Variants in DSCAM observed in about 807,000 individuals in gnomAD.
DSCAM encodes DS cell adhesion molecule, also known as cell adhesion molecule DSCAM.
Under a neutral mutation model 217.7 loss-of-function variants are expected in DSCAM, and 47 were observed. The observed-to-expected ratio is 0.22, with a 90% CI of 0.17 to 0.28. The LOEUF (loss-of-function observed/expected upper bound fraction) is 0.28. Ranked by LOEUF, DSCAM falls within the 10% of genes least tolerant of loss-of-function variation. The pLI, the probability that DSCAM is intolerant of heterozygous loss-of-function variation, is 1.00. For missense variants in DSCAM, 2,080 were observed against 2,618.3 expected, an observed-to-expected ratio of 0.79 and a Z score of 4.49; for synonymous variants, 1,056 against 1,015.3, an observed-to-expected ratio of 1.04 and a Z score of -0.76.
intron 3 of DSCAM, among the ~76,000 whole-genome samples, chr21:40,689,610 T>C (rs1227623848): frequency 1.3e-5 from 2 of 152,194 alleles, no homozygotes; most frequent in African/African-American, 2.4e-5. Context: ...CTTTTCTCCA[T>C]GGAAAGAATC....
chr21:40,205,133 G>A (rs1304514758), intron 11 of DSCAM, among the ~76,000 whole-genome samples: 1 of 152,240 alleles, frequency 6.6e-6, no homozygotes, highest in African/African-American at 2.4e-5. Context: ...GGCTCATGAA[G>A]AGACATGTGT....
At chr21:40,507,062 A>G (rs114666481) in intron 3 of DSCAM, among the ~76,000 whole-genome samples, 2,366 of 152,260 alleles carry the variant, frequency 0.016, 47 homozygotes, top group Admixed American at 0.037. Flanking sequence ...GCAGATCGCA[A>G]GGTGAGGAGT....
intron 16 of DSCAM, among the ~76,000 whole-genome samples, chr21:40,150,871 T>C (rs1452238252): frequency 6.6e-6 from 1 of 152,176 alleles, no homozygotes; most frequent in Non-Finnish European, 1.5e-5. Context: ...TGTAGAACAA[T>C]TGATACATGG....
intron 1 of DSCAM, among the ~76,000 whole-genome samples, chr21:40,838,761 A>G (rs1265387023): frequency 6.6e-6 from 1 of 152,218 alleles, no homozygotes; most frequent in Non-Finnish European, 1.5e-5. Flanking sequence ...TGGAGAGACT[A>G]GCGACAAAAT....
rs1362956485 is a variant in DSCAM at position 40,133,877 on chromosome 21, A to G, written c.3539T>C (p.Ile1180Thr). ...ACCATCCTCTTTGGTCCGGGTGAAGATCTGCTCACTCCTGACCCCGTCTCC... is the reference window on the plus strand; with the variant it reads ...ACCATCCTCTTTGGTCCGGGTGAAGGTCTGCTCACTCCTGACCCCGTCTCC... ...RAGDGVRSEQ[I>T]FTRTKEDVPG... Residue 1180 changes from isoleucine (I) to threonine (T), a missense_variant, in exon 19 of 33, where the codon ATC becomes ACC. Physicochemically the swap from Ile to Thr is moderately conservative, Grantham distance 89. This residue lies in a region of DSCAM where 1,144 missense variants were observed against 1,421.1 expected (regional missense o/e 0.81). Coordinates refer to ENST00000400454, the MANE Select transcript of DSCAM (RefSeq NM_001389.5). 1.2e-6 allele frequency: 2 copies of G among 1,610,756 alleles called. No homozygotes were observed. Among genetic ancestry groups the G allele is most frequent in the Non-Finnish European group, 1.7e-6 (2 of 1,178,710 alleles).
At chr21:40,385,949 G>A (rs1408910756) in intron 3 of DSCAM, among the ~76,000 whole-genome samples, 2 of 152,172 alleles carry the variant, frequency 1.3e-5, no homozygotes, top group South Asian at 2.1e-4. Context: ...TTTTGCCTTC[G>A]TGCTTTCAAG....
intron 28 of DSCAM, among the ~76,000 whole-genome samples, chr21:40,057,871 G>GTTTTTT (rs1568917869): frequency 7.8e-5 from 8 of 102,138 alleles, no homozygotes; most frequent in South Asian, 3.2e-4. Flanking sequence ...GTTCACTGCA[G>GTTTTTT]TCTTTTTTTT....
Position 40,042,420 on chromosome 21 carries a change from C to T in DSCAM, c.5637G>A (p.Gln1879=), listed in dbSNP as rs1904389165. 6.2e-7 allele frequency: 1 copy of T among 1,614,076 alleles called. No individual in the cohort carries two copies. Among genetic ancestry groups the T allele is most frequent in the African/African-American group, 1.3e-5 (1 of 74,926 alleles). The change falls in exon 32 of 33, where the codon CAG becomes CAA. Residue 1879 remains glutamine, a synonymous_variant. Coordinates refer to ENST00000400454, the MANE Select transcript of DSCAM (RefSeq NM_001389.5). ...CCATATTCATTACTCTTCCTCCATCCTGAGGTTTGGGGGGAGATGCAGTGA... is the reference window on the plus strand; with the variant it reads ...CCATATTCATTACTCTTCCTCCATCTTGAGGTTTGGGGGGAGATGCAGTGA... The part of the protein sequence containing the change: ...CRFTASPPKP[Q]DGGRVMNMAV...
At chr21:40,127,038 C>T (rs2090101618) in intron 19 of DSCAM, among the ~76,000 whole-genome samples, 1 of 152,170 alleles carries the variant, frequency 6.6e-6, no homozygotes. Context: ...AGTTCCACGT[C>T]CTGGACAAGC....
chr21:40,659,256 C>A (rs2090109742), intron 3 of DSCAM, among the ~76,000 whole-genome samples: 2 of 152,154 alleles, frequency 1.3e-5, no homozygotes, highest in African/African-American at 4.8e-5. Flanking sequence ...TCCCTTCCTC[C>A]TATAGAAGGA....
At chr21:40,017,951 G>A (rs1006157767) in intron 32 of DSCAM, among the ~76,000 whole-genome samples, 3 of 152,216 alleles carry the variant, frequency 2.0e-5, no homozygotes, top group Non-Finnish European at 4.4e-5. Flanking sequence ...AAAATATAAT[G>A]GCATGAGGCC....
intron 3 of DSCAM, among the ~76,000 whole-genome samples, chr21:40,523,434 C>T (rs939282000): frequency 2.0e-5 from 3 of 151,994 alleles, no homozygotes; most frequent in Admixed American, 1.3e-4. Context: ...AGGAATGCAC[C>T]GGCCTAAGAG....
In DSCAM at chr21:40,174,531, CT is replaced by C. The variant is rs112792781; in HGVS notation, c.2947+4395del. On this transcript the variant is annotated intron_variant, in intron 15 of 32. Transcript: ENST00000400454. ...TTGGGCTTTATGGGCCCATGTTATTCTTTTTTTTTTTTTTTAAAGATGAAAA... is the reference window on the plus strand; with the variant it reads ...TTGGGCTTTATGGGCCCATGTTATTCTTTTTTTTTTTTTTAAAGATGAAAA... Among the ~76,000 whole-genome samples, 618 of 142,966 alleles carry C rather than the reference CT, an allele frequency of 4.3e-3. 10 individuals are homozygous for C. The East Asian group carries it at 0.057, about 13-fold the overall frequency. The allele number at this position is 142,966 out of a possible 152,430, so 93.8% of individuals were successfully genotyped here.
intron 16 of DSCAM, among the ~76,000 whole-genome samples, chr21:40,145,982 G>GTATA (rs34458456): frequency 0.47 from 71,675 of 151,538 alleles, 19,571 homozygotes; most frequent in South Asian, 0.63. Context: ...ACATGTGTAT[G>GTATA]TATGTATACA....
At chr21:40,435,040 A>G (rs2075570681) in intron 3 of DSCAM, among the ~76,000 whole-genome samples, 2 of 152,224 alleles carry the variant, frequency 1.3e-5, no homozygotes, top group East Asian at 1.9e-4. Context: ...AAGTTTTCCA[A>G]TAATGGAATC....
chr21:40,373,323 G>GC lies in DSCAM; in HGVS notation c.509-4079dup, dbSNP rs1310520552. Among the ~76,000 whole-genome samples, 7 of 152,242 alleles carry GC rather than the reference G, an allele frequency of 4.6e-5. No homozygotes were observed. In the East Asian group the frequency reaches 1.4e-3, roughly 29 times the overall value. On this transcript the variant is annotated intron_variant, in intron 3 of 32. Coordinates refer to ENST00000400454, the MANE Select transcript of DSCAM (RefSeq NM_001389.5). ...GTGTTATAGGTGGTCAGGAAACAGA[G>GC]CCAAGTGATGCACCCATTCGTTGGA... is the stretch of plus-strand genomic sequence containing the variant.
intron 16 of DSCAM, among the ~76,000 whole-genome samples, chr21:40,156,287 C>CAGAGAGAGAGAGAGAGAG (rs749781848): frequency 5.3e-5 from 4 of 75,750 alleles, no homozygotes; most frequent in Non-Finnish European, 7.8e-5. Flanking sequence ...CAAACTAAGA[C>CAGAGAGAGAGAGAGAGAG]AGAGAGAGAG....
At chr21:40,126,473 TCTTA>T (rs1316767366) in intron 19 of DSCAM, among the ~76,000 whole-genome samples, 5 of 152,212 alleles carry the variant, frequency 3.3e-5, no homozygotes, top group African/African-American at 7.2e-5. Context: ...GGTCACATGC[TCTTA>T]CTTGAGACAC....
chr21:40,516,974 A>T (rs982684038), intron 3 of DSCAM, among the ~76,000 whole-genome samples: 1 of 147,768 alleles, frequency 6.8e-6, no homozygotes, highest in Non-Finnish European at 1.5e-5. Context: ...AAATATACAT[A>T]TATTATATAT....
Sources: allele counts gnomAD v4.1 joint callset (sites outside exome capture counted in the v4.1 genomes callset), GRCh38; gene constraint gnomAD v4.1.1; regional missense constraint gnomAD v4.1.1; transcripts MANE v1.5; gene names NCBI Gene and HGNC (gene_info 2026-07-23, HGNC 2026-07-21).